The following STX18 variants were observed in gnomAD, a reference collection of about 807,000 sequenced individuals.
The protein encoded by STX18 is syntaxin-18.
STX18 carries 40 observed loss-of-function variants against 50.1 expected under a neutral mutation model. That is an observed-to-expected ratio of 0.80 (90% CI 0.62 to 1.04). The LOEUF (loss-of-function observed/expected upper bound fraction) is 1.04. Among genes scored for constraint, STX18 ranks in the 50% least tolerant of loss-of-function variants. STX18 has a pLI of 0.00. For missense variants in STX18, 410 were observed against 415.8 expected (o/e 0.99, Z 0.12); for synonymous variants, 158 against 151.8 (o/e 1.04, Z -0.30).
intron 2 of STX18, among the ~76,000 whole-genome samples, chr4:4,468,182 A>G (rs1007016870): frequency 6.6e-5 from 10 of 151,678 alleles, no homozygotes; most frequent in Non-Finnish European, 1.3e-4. Flanking sequence ...TACTGCAGAA[A>G]CCCTTTTTTT....
At chr4:4,491,560 G>A (rs1051979157) in intron 1 of STX18, among the ~76,000 whole-genome samples, 12 of 151,962 alleles carry the variant, frequency 7.9e-5, no homozygotes, top group African/African-American at 2.4e-4. Context: ...ATCATCTACC[G>A]AAAGAGGAAG....
intron 1 of STX18, among the ~76,000 whole-genome samples, chr4:4,534,751 A>G (rs146941413): frequency 2.4e-3 from 363 of 152,392 alleles, no homozygotes; most frequent in Middle Eastern, 0.014. Flanking sequence ...TTTTCTCTAA[A>G]GGGTCATACA....
At chr4:4,499,326 G>A (rs963004050) in intron 1 of STX18, 2 of 184,466 alleles carry the variant, frequency 1.1e-5, no homozygotes, top group Non-Finnish European at 2.0e-5. Flanking sequence ...AGTATAAAAT[G>A]TATGAAATTA....
chr4:4,532,766 T>C (rs1731161100), intron 1 of STX18, among the ~76,000 whole-genome samples: 1 of 152,246 alleles, frequency 6.6e-6, no homozygotes. Context: ...TTTTAATTCC[T>C]TTCTCAATTC....
chr4:4,500,969 G>A (rs887250365), intron 1 of STX18, among the ~76,000 whole-genome samples: 1 of 152,154 alleles, frequency 6.6e-6, no homozygotes, highest in African/African-American at 2.4e-5. Context: ...CCTAGGAGAA[G>A]GAGGTAGCAG....
At chr4:4,465,279 T>A (rs1212763658) in intron 2 of STX18, among the ~76,000 whole-genome samples, 1 of 152,172 alleles carries the variant, frequency 6.6e-6, no homozygotes, top group Non-Finnish European at 1.5e-5. Context: ...CATTCTATTA[T>A]AAAGACACAT....
chr4:4,434,959 T>C (rs149291216), intron 6 of STX18, 101 bp from the exon 7 acceptor site: 153 of 759,198 alleles, frequency 2.0e-4, no homozygotes, highest in Non-Finnish European at 2.7e-4. Flanking sequence ...AACAGAATCT[T>C]ACAGCTTTGT....
chr4:4,517,000 C>T (rs1192936242), intron 1 of STX18, among the ~76,000 whole-genome samples: 1 of 152,170 alleles, frequency 6.6e-6, no homozygotes, highest in East Asian at 1.9e-4. Flanking sequence ...ACATTTGTGG[C>T]ATACTCAGTA....
intron 1 of STX18, among the ~76,000 whole-genome samples, chr4:4,488,353 T>A (rs951870601): frequency 1.3e-5 from 2 of 152,162 alleles, no homozygotes; most frequent in African/African-American, 4.8e-5. Flanking sequence ...TATAAGAATG[T>A]GGAGATGTCA....
intron 1 of STX18, among the ~76,000 whole-genome samples, chr4:4,529,233 G>A (rs1730962869): frequency 6.6e-6 from 1 of 152,136 alleles, no homozygotes; most frequent in African/African-American, 2.4e-5. Flanking sequence ...ATGGTGGCTG[G>A]TGCCTGTAGT....
chr4:4,445,778 A>G (rs1212053572), intron 5 of STX18, among the ~76,000 whole-genome samples: 6 of 152,366 alleles, frequency 3.9e-5, no homozygotes, highest in Admixed American at 1.3e-4. Context: ...TATAAATTCA[A>G]CATAATCCCT....
At chr4:4,472,493 C>T (rs916188372) in intron 1 of STX18, among the ~76,000 whole-genome samples, 2 of 152,226 alleles carry the variant, frequency 1.3e-5, no homozygotes, top group African/African-American at 4.8e-5. Flanking sequence ...ACTTTGCACT[C>T]GTTCCAAACA....
chr4:4,508,618 T>G (rs1729849610), intron 1 of STX18, among the ~76,000 whole-genome samples: 1 of 152,198 alleles, frequency 6.6e-6, no homozygotes, highest in Admixed American at 6.5e-5. Flanking sequence ...TAGGTAAACA[T>G]GTGCCGTGGT....
intron 9 of STX18, among the ~76,000 whole-genome samples, chr4:4,422,847 CA>C (rs1458062838): frequency 1.3e-5 from 2 of 152,184 alleles, no homozygotes; most frequent in Non-Finnish European, 2.9e-5. Flanking sequence ...TCAAGTAGTC[CA>C]GTTTAAAATA....
At chr4:4,504,908 A>T (rs562812870) in intron 1 of STX18, among the ~76,000 whole-genome samples, 93 of 151,736 alleles carry the variant, frequency 6.1e-4, no homozygotes, top group African/African-American at 2.2e-3. Flanking sequence ...TAAAAAAAAA[A>T]TAGTAGCCTT....
intron 1 of STX18, among the ~76,000 whole-genome samples, chr4:4,485,931 T>C (rs139732662): frequency 1.3e-5 from 2 of 152,326 alleles, no homozygotes; most frequent in East Asian, 1.9e-4. Flanking sequence ...TCACTGCTTA[T>C]ACTAGAATTC....
Position 4,420,821 on chromosome 4 carries a change from G to C in STX18, c.912+43C>G. On this transcript the variant is annotated intron_variant, in intron 10 of 10. Transcript: ENST00000306200. The surrounding 1 kb of genome is among the most constrained non-coding windows in gnomAD (Gnocchi z 4.3). Reference sequence around the variant, plus strand: ...GACTAACACCCGCTGCTGGGACTCAGTGCTGCGCCACGTCGCACCTGGGGA... The same window carrying C: ...GACTAACACCCGCTGCTGGGACTCACTGCTGCGCCACGTCGCACCTGGGGA... 1 of 1,560,946 alleles carries C rather than the reference G, an allele frequency of 6.4e-7. No homozygotes were observed. The highest frequency in any genetic ancestry group is 8.8e-7 in the Non-Finnish European group (1 of 1,131,944).
At chr4:4,423,954 C>T (rs1448041332) in intron 8 of STX18, 3 of 277,456 alleles carry the variant, frequency 1.1e-5, no homozygotes, top group African/African-American at 6.7e-5. Context: ...AGTTCTCTGC[C>T]TAGCCTCATC....
rs1165886599 is a variant in STX18, at chr4:4,419,807, C to G, written c.*227G>C. 4.2e-6 allele frequency: 2 copies of G among 479,358 alleles called. No individual in the cohort carries two copies. Among genetic ancestry groups the G allele is most frequent in the South Asian group, 4.9e-5 (2 of 40,584 alleles). The allele number at this position is 479,358 out of a possible 1,614,324, so 29.7% of individuals were successfully genotyped here. A position where few individuals can be genotyped will look rare whatever the true frequency, so the allele number is the denominator to read the frequency against. ...TGCCTGATGAGGGCTACGCAGGCTG[C>G]CTCCCATTGGTGTGCACTGTTTCCT... On this transcript the variant is annotated 3_prime_UTR_variant, in exon 11 of 11. Transcript: ENST00000306200.
Sources: gnomAD v4.1 joint callset for allele counts (sites outside exome capture counted in the v4.1 genomes callset) on GRCh38, gnomAD v4.1.1 for gene constraint, Gnocchi (gnomAD v3.1) non-coding constraint, MANE v1.5 for transcripts, NCBI Gene and HGNC (gene_info 2026-07-23, HGNC 2026-07-21) for gene names.